SYTL5: variants seen among roughly 807,000 people sequenced by gnomAD.
The protein encoded by SYTL5 is synaptotagmin-like protein 5.
In SYTL5, 34 loss-of-function variants were observed where a neutral mutation model predicts 55.9. The observed-to-expected ratio is 0.61, with a 90% CI of 0.46 to 0.81. The LOEUF is 0.81. Among genes scored for constraint, SYTL5 ranks in the 30% least tolerant of loss-of-function variants. The probability of loss-of-function intolerance (pLI) is 0.00; values close to 1 mark genes in which losing one functional copy is unlikely to be tolerated. For synonymous variants in SYTL5, 221 were observed against 188.7 expected (o/e 1.17, Z -1.40); for missense variants, 637 against 546.7 (o/e 1.17, Z -1.65).
At chrX:37,991,605 C>G in the SYTL5 span, among the ~76,000 whole-genome samples, 2 of 110,736 alleles carry the variant, frequency 1.8e-5, no homozygotes, top group African/African-American at 6.6e-5. Context: ...GAATTCCCAG[C>G]CTGATGCTGG....
chrX:37,991,827 G>A, the SYTL5 span, among the ~76,000 whole-genome samples: 1 of 111,975 alleles, frequency 8.9e-6, no homozygotes, highest in South Asian at 3.8e-4. Flanking sequence ...ATGGCCTGCT[G>A]GATTTCATTT....
the SYTL5 span, among the ~76,000 whole-genome samples, chrX:37,925,147 C>T: frequency 1.2e-4 from 13 of 111,528 alleles, no homozygotes; most frequent in Non-Finnish European, 2.5e-4. Context: ...TTTCACTTAA[C>T]GTGATGACTT....
At chrX:38,086,173 C>A (rs903523962) in intron 6 of SYTL5, among the ~76,000 whole-genome samples, 1 of 111,478 alleles carries the variant, frequency 9.0e-6, no homozygotes, top group Non-Finnish European at 1.9e-5. Context: ...CCTCAATCCC[C>A]GGTATGGCCC....
At chrX:37,949,199 G>T in the SYTL5 span, 3 of 111,606 alleles carry the variant, frequency 2.7e-5, no homozygotes, top group East Asian at 8.4e-4. Context: ...TACATAAATG[G>T]CTTGTCTCAG....
the SYTL5 span, among the ~76,000 whole-genome samples, chrX:37,953,793 C>T: frequency 1.1e-4 from 12 of 111,128 alleles, no homozygotes; most frequent in Non-Finnish European, 2.3e-4. Flanking sequence ...GGGTAAAAGT[C>T]AGATTACAGC....
rs1937223143 is a variant in SYTL5, at chrX:38,106,677, A to G, written c.1240A>G (p.Ile414Val). Residue 414 changes from isoleucine (I) to valine (V), a missense_variant, in exon 11 of 17, where the codon ATC (isoleucine) becomes GTC (valine). Ile to Val is a conservative substitution (Grantham distance 29). Coordinates refer to ENST00000297875, the MANE Select transcript of SYTL5 (RefSeq NM_138780.3). Reference sequence around the variant, plus strand: ...AGTCAGTGGTGAAATCCTTCTCCATATCAGCTACTGCTACAAAACTGGTGG... The same window carrying G: ...AGTCAGTGGTGAAATCCTTCTCCATGTCAGCTACTGCTACAAAACTGGTGG... The part of the protein sequence containing the change: ...VKVSGEILLH[I>V]SYCYKTGGLY... 9.9e-6 allele frequency: 12 copies of G among 1,209,689 alleles called. No individual in the cohort carries two copies. The highest frequency in any genetic ancestry group is 1.3e-5 in the Non-Finnish European group (12 of 894,304).
intron 2 of SYTL5, among the ~76,000 whole-genome samples, chrX:38,045,869 CTT>C (rs757239333): frequency 2.0e-3 from 228 of 111,740 alleles, no homozygotes; most frequent in Admixed American, 3.9e-3. Context: ...TCATGAGAGA[CTT>C]TGTGATAAGA....
chrX:37,962,352 G>C, the SYTL5 span, among the ~76,000 whole-genome samples: 8 of 110,732 alleles, frequency 7.2e-5, no homozygotes, highest in African/African-American at 2.3e-4. Flanking sequence ...GCGATAGTTT[G>C]CTGAGAATGA....
intron 2 of SYTL5, among the ~76,000 whole-genome samples, chrX:38,043,690 T>TATATATATATATATATATATATACAC (rs1366385489): frequency 2.9e-5 from 2 of 69,556 alleles, no homozygotes; most frequent in African/African-American, 8.3e-5. Flanking sequence ...TATATATATA[T>TATATATATATATATATATATATACAC]ACATATATAT....
chrX:38,073,654 T>A lies in SYTL5; in HGVS notation c.510T>A (p.Pro170=), dbSNP rs1314795481. 5 of 1,198,963 alleles carry A rather than the reference T, an allele frequency of 4.2e-6. No homozygotes were observed. The African/African-American group carries it at 8.8e-5, about 21-fold the overall frequency. The change falls in exon 5 of 17, where the codon CCT becomes CCA. Residue 170 remains proline, a synonymous_variant. Coordinates refer to ENST00000297875, the MANE Select transcript of SYTL5 (RefSeq NM_138780.3). ...RQDAEKSDTS[P]VAGKKASHDG... ...ATGCAGAAAAGTCAGACACTTCACCTGTTGCTGGGAAGAAGGCCAGCCATG... is the reference window on the plus strand; with the variant it reads ...ATGCAGAAAAGTCAGACACTTCACCAGTTGCTGGGAAGAAGGCCAGCCATG...
chrX:38,066,119 T>C (rs1936093786), intron 3 of SYTL5, among the ~76,000 whole-genome samples: 1 of 110,919 alleles, frequency 9.0e-6, no homozygotes, highest in Non-Finnish European at 1.9e-5. Flanking sequence ...TGCTGTGTAA[T>C]TAATAAATGT....
At chrX:37,960,257 C>T in the SYTL5 span, among the ~76,000 whole-genome samples, 1 of 112,279 alleles carries the variant, frequency 8.9e-6, no homozygotes. Context: ...TAGTCACACC[C>T]TTGGTTTCCT....
chrX:37,916,290 C>T, the SYTL5 span, among the ~76,000 whole-genome samples: 2 of 112,061 alleles, frequency 1.8e-5, no homozygotes, highest in Non-Finnish European at 1.9e-5. Context: ...CTGTAATGAG[C>T]GGAGCCCACG....
rs186609491 is a variant in SYTL5 at position 38,088,352 on chromosome X, C to T, written c.690-1094C>T. On this transcript the variant is annotated intron_variant, in intron 6 of 16. Transcript: ENST00000297875. The stretch of plus-strand genomic sequence containing the variant: ...TATTAACCACTGCTGGTATGCTTTA[C>T]CAATAAGATGTGTACTATTATATGT... 5.4e-5 allele frequency among the ~76,000 whole-genome samples: 6 copies of T among 112,002 alleles called. No homozygotes were observed. In the East Asian group the frequency reaches 1.7e-3, roughly 31 times the overall value.
At chrX:37,963,698 T>G in the SYTL5 span, among the ~76,000 whole-genome samples, 1 of 112,348 alleles carries the variant, frequency 8.9e-6, no homozygotes, top group Non-Finnish European at 1.9e-5. Flanking sequence ...ATTTTATATC[T>G]TTCTTTCCTA....
At chrX:38,121,386 C>T (rs1418712120) in intron 14 of SYTL5, among the ~76,000 whole-genome samples, 2 of 111,967 alleles carry the variant, frequency 1.8e-5, no homozygotes, top group Non-Finnish European at 3.8e-5. Context: ...TTACTCTTTT[C>T]AGTGTGACCC....
At position 38,086,730 on chromosome X, in the gene SYTL5, G is replaced by A. The variant is rs187883017; in HGVS notation, c.690-2716G>A. ...TTTCCAATTTAAGTGGCAAAGATTCGTGTATTTTATGTCATATTTTACATA... is the reference window on the plus strand; with the variant it reads ...TTTCCAATTTAAGTGGCAAAGATTCATGTATTTTATGTCATATTTTACATA... On this transcript the variant is annotated intron_variant, in intron 6 of 16. Transcript: ENST00000297875. Among the ~76,000 whole-genome samples the A allele has an allele frequency of 4.5e-5, 5 of 112,005 alleles. No homozygotes were observed. The East Asian group carries it at 1.1e-3, about 25-fold the overall frequency.
chrX:38,093,681 C>A (rs1386822078), intron 7 of SYTL5, among the ~76,000 whole-genome samples: 2 of 110,785 alleles, frequency 1.8e-5, no homozygotes, highest in Non-Finnish European at 3.8e-5. Flanking sequence ...AGACACCACA[C>A]AAAAAAAATA....
At chrX:38,021,006 C>G (rs1198623142) in intron 1 of SYTL5, among the ~76,000 whole-genome samples, 2 of 111,643 alleles carry the variant, frequency 1.8e-5, no homozygotes, top group East Asian at 5.6e-4. Flanking sequence ...CTACCCCACA[C>G]TTTCTCCAAC....
Sources: gnomAD v4.1 joint callset for allele counts (sites outside exome capture counted in the v4.1 genomes callset) on GRCh38, gnomAD v4.1.1 for gene constraint, MANE v1.5 for transcripts, NCBI Gene and HGNC (gene_info 2026-07-23, HGNC 2026-07-21) for gene names.